SOX5: variants seen among roughly 807,000 people sequenced by gnomAD.
SOX5 encodes the protein SRY-box transcription factor 5.
In SOX5, 9 loss-of-function variants were observed where a neutral mutation model predicts 92.0. The observed-to-expected ratio is 0.10, with a 90% confidence interval of 0.06 to 0.17. The LOEUF (loss-of-function observed/expected upper bound fraction) is 0.17, where lower values mean the gene tolerates loss of function less well. Ranked by LOEUF, SOX5 falls within the 10% of genes least tolerant of loss-of-function variation. The pLI is 1.00. For missense variants in SOX5, 642 were observed against 944.5 expected (o/e 0.68, Z 4.20); for synonymous variants, 344 against 336.3 (o/e 1.02, Z -0.25).
chr12:24,221,053 G>A (rs1383275115), intron 3 of SOX5, among the ~76,000 whole-genome samples: 1 of 152,210 alleles, frequency 6.6e-6, no homozygotes, highest in East Asian at 1.9e-4. Context: ...ATGGTCCCAT[G>A]TGACAGAGCT....
intron 3 of SOX5, among the ~76,000 whole-genome samples, chr12:23,780,473 GAAT>G (rs1459935364): frequency 6.6e-6 from 1 of 151,742 alleles, no homozygotes; most frequent in Non-Finnish European, 1.5e-5. Context: ...AAGCAAAAAG[GAAT>G]AATAAGTGCT....
In SOX5 at chr12:23,552,442, A is replaced by G. The variant is rs138994086; in HGVS notation, c.1489-6018T>C. Among the ~76,000 whole-genome samples the G allele has an allele frequency of 1.9e-3, 296 of 152,074 alleles. 1 individual carries two copies. Among genetic ancestry groups the G allele is most frequent in the African/African-American group, 6.6e-3 (275 of 41,542 alleles). On this transcript the variant is annotated intron_variant, in intron 11 of 14. Coordinates refer to ENST00000451604, the MANE Select transcript of SOX5 (RefSeq NM_006940.6). ...TCAGTTTTTGAGCATCCTCCTATCCATTAAACCTTGTTGTCATAATGAAGA... is the reference window on the plus strand; with the variant it reads ...TCAGTTTTTGAGCATCCTCCTATCCGTTAAACCTTGTTGTCATAATGAAGA...
intron 1 of SOX5, among the ~76,000 whole-genome samples, chr12:24,480,802 C>T (rs1945904012): frequency 6.6e-6 from 1 of 151,816 alleles, no homozygotes; most frequent in Non-Finnish European, 1.5e-5. Flanking sequence ...CATACTCTCT[C>T]GGTGGGAATG....
intron 4 of SOX5, among the ~76,000 whole-genome samples, chr12:24,017,677 C>A (rs1953812381): frequency 6.6e-6 from 1 of 151,870 alleles, no homozygotes; most frequent in Admixed American, 6.6e-5. Context: ...CACCACAGAC[C>A]AGGGCCACTA....
chr12:24,287,366 T>C (rs918808793), intron 2 of SOX5, among the ~76,000 whole-genome samples: 1 of 152,222 alleles, frequency 6.6e-6, no homozygotes, highest in Non-Finnish European at 1.5e-5. Context: ...TTAAAATCTC[T>C]ACTCAATTTA....
intron 1 of SOX5, among the ~76,000 whole-genome samples, chr12:24,509,919 A>T (rs77562188): frequency 0.032 from 4,812 of 152,350 alleles, 104 homozygotes; most frequent in Non-Finnish European, 0.048. Context: ...CCAGGCAATG[A>T]CTGACATTTG....
intron 4 of SOX5, among the ~76,000 whole-genome samples, chr12:24,018,752 A>C (rs1440783338): frequency 2.0e-5 from 3 of 152,048 alleles, no homozygotes; most frequent in Admixed American, 1.3e-4. Flanking sequence ...AGCTGAGATC[A>C]CACCCATTGC....
At chr12:23,861,013 A>G (rs1388298126) in intron 2 of SOX5, among the ~76,000 whole-genome samples, 1 of 151,602 alleles carries the variant, frequency 6.6e-6, no homozygotes, top group Non-Finnish European at 1.5e-5. Context: ...GAGCACCTAT[A>G]GAATATGTCA....
chr12:23,806,919 T>C (rs1006786589), intron 3 of SOX5, among the ~76,000 whole-genome samples: 2 of 151,762 alleles, frequency 1.3e-5, no homozygotes, highest in African/African-American at 4.8e-5. Flanking sequence ...GGAAGAAGAG[T>C]GTGTTTGTTT....
intron 4 of SOX5, among the ~76,000 whole-genome samples, chr12:24,168,586 A>G (rs1953696541): frequency 1.3e-5 from 2 of 152,152 alleles, no homozygotes. Flanking sequence ...AATGGCTTGG[A>G]AAAAATCTCA....
At chr12:24,524,380 TATCTATCC>T (rs1256159016) in intron 1 of SOX5, among the ~76,000 whole-genome samples, 6 of 131,040 alleles carry the variant, frequency 4.6e-5, no homozygotes, top group African/African-American at 1.3e-4. Context: ...TCTATCTATC[TATCTATCC>T]ATCCATCCAT....
chr12:23,537,122 C>T (rs184632278), intron 13 of SOX5, among the ~76,000 whole-genome samples: 186 of 151,854 alleles, frequency 1.2e-3, no homozygotes, highest in African/African-American at 4.3e-3. Flanking sequence ...TCTCATCCTC[C>T]CCAAAATGTT....
At chr12:23,790,639 C>T (rs1215891125) in intron 3 of SOX5, among the ~76,000 whole-genome samples, 2 of 151,380 alleles carry the variant, frequency 1.3e-5, no homozygotes, top group African/African-American at 2.4e-5. Context: ...TTGATCTTAA[C>T]TATTTCTATT....
Position 23,723,343 on chromosome 12 carries a change from C to T in SOX5, c.810+11341G>A, listed in dbSNP as rs529902289. On this transcript the variant is annotated intron_variant, in intron 6 of 14. Transcript: ENST00000451604. Reference sequence around the variant, plus strand: ...TTTTATTCAACGAAAACATAAAATCCAATTGGATAATGAAAAGAAAAAGAA... The same window carrying T: ...TTTTATTCAACGAAAACATAAAATCTAATTGGATAATGAAAAGAAAAAGAA... Among the ~76,000 whole-genome samples the T allele has an allele frequency of 4.6e-5, 7 of 150,890 alleles. No homozygotes were observed. The South Asian group carries it at 1.3e-3, about 27-fold the overall frequency.
intron 1 of SOX5, among the ~76,000 whole-genome samples, chr12:24,517,335 AG>A (rs1411001517): frequency 6.6e-6 from 1 of 152,222 alleles, no homozygotes; most frequent in African/African-American, 2.4e-5. Context: ...CTAATACAGG[AG>A]GGGCAACACT....
At chr12:24,545,983 G>C (rs910165807) in intron 1 of SOX5, among the ~76,000 whole-genome samples, 2 of 152,130 alleles carry the variant, frequency 1.3e-5, no homozygotes, top group Admixed American at 1.3e-4. Flanking sequence ...CCTCTCGCAG[G>C]TGGTGTCCCT....
intron 2 of SOX5, among the ~76,000 whole-genome samples, chr12:24,289,453 CTTTTT>C (rs71063303): frequency 5.1e-5 from 5 of 98,466 alleles, no homozygotes; most frequent in Admixed American, 1.0e-4. Flanking sequence ...ACATTTGTAT[CTTTTT>C]TTTTTTTTTT....
intron 3 of SOX5, among the ~76,000 whole-genome samples, chr12:23,810,612 C>T (rs79737322): frequency 0.025 from 3,792 of 152,266 alleles, 81 homozygotes; most frequent in Non-Finnish European, 0.034. Context: ...AATTGTGTCG[C>T]TTTTTCTCCT....
At chr12:23,606,206 A>G (rs2075237859) in intron 8 of SOX5, among the ~76,000 whole-genome samples, 1 of 151,870 alleles carries the variant, frequency 6.6e-6, no homozygotes, top group Non-Finnish European at 1.5e-5. Context: ...CAGTTATCCT[A>G]GGATATCACT....
Sources: allele counts gnomAD v4.1 joint callset (sites outside exome capture counted in the v4.1 genomes callset), GRCh38; gene constraint gnomAD v4.1.1; transcripts MANE v1.5; gene names NCBI Gene and HGNC (gene_info 2026-07-23, HGNC 2026-07-21).